The following TMEFF2 variants were observed in gnomAD, a reference collection of about 807,000 sequenced individuals.
TMEFF2 encodes the protein transmembrane protein with EGF like and two follistatin like domains 2, also known as tomoregulin-2.
A neutral mutation model predicts 53.8 loss-of-function variants in TMEFF2; 28 were observed. The ratio of observed to expected loss-of-function variants is 0.52; its 90% confidence interval spans 0.39 to 0.71. The LOEUF is 0.71. TMEFF2 is among the 30% of genes least tolerant of loss of function. The pLI is 0.00. For synonymous variants in TMEFF2, 162 were observed against 166.3 expected (o/e 0.97, Z 0.20); for missense variants, 353 against 455.2 (o/e 0.78, Z 2.04).
chr2:191,974,382 A>T (rs561726672), intron 7 of TMEFF2, among the ~76,000 whole-genome samples: 107 of 152,232 alleles, frequency 7.0e-4, no homozygotes, highest in African/African-American at 2.5e-3. Flanking sequence ...AGGATACTGT[A>T]TATCATTCAA....
At chr2:192,120,888 A>C (rs1689535507) in intron 4 of TMEFF2, among the ~76,000 whole-genome samples, 1 of 152,036 alleles carries the variant, frequency 6.6e-6, no homozygotes, top group African/African-American at 2.4e-5. Context: ...GGTGGGCGTC[A>C]CCATGCCCAG....
chr2:192,075,974 AAAG>A (rs1394367067), intron 4 of TMEFF2, among the ~76,000 whole-genome samples: 1 of 152,014 alleles, frequency 6.6e-6, no homozygotes, highest in Non-Finnish European at 1.5e-5. Flanking sequence ...GCAAAGAAGG[AAAG>A]AAGGAAGCAA....
chr2:192,037,542 C>A (rs1687350080), intron 5 of TMEFF2, among the ~76,000 whole-genome samples: 1 of 151,248 alleles, frequency 6.6e-6, no homozygotes, highest in Non-Finnish European at 1.5e-5. Context: ...CTGATTGGCA[C>A]CATCTTCTCT....
At chr2:191,953,658 C>A (rs1170654833) in intron 9 of TMEFF2, 21 bp downstream of exon 9, 1 of 1,610,062 alleles carries the variant, frequency 6.2e-7, no homozygotes, top group Non-Finnish European at 8.5e-7. Context: ...ATTTGGGTAG[C>A]CACCAAGTGC....
chr2:192,060,511 C>T (rs1020697843), intron 4 of TMEFF2, among the ~76,000 whole-genome samples: 3 of 152,150 alleles, frequency 2.0e-5, no homozygotes, highest in Non-Finnish European at 2.9e-5. Flanking sequence ...CAGACTCCAT[C>T]TTATTTAGCA....
chr2:191,959,039 G>A (rs1692189557), intron 7 of TMEFF2, among the ~76,000 whole-genome samples: 1 of 152,234 alleles, frequency 6.6e-6, no homozygotes, highest in Admixed American at 6.5e-5. Flanking sequence ...TGATCTTAAT[G>A]TTTATGTATA....
intron 7 of TMEFF2, among the ~76,000 whole-genome samples, chr2:191,971,365 A>T (rs950677250): frequency 2.6e-5 from 4 of 152,238 alleles, no homozygotes; most frequent in Admixed American, 1.3e-4. Context: ...TCAAACTTCT[A>T]TCTTGTTCCT....
At chr2:192,157,931 G>A (rs889629158) in intron 4 of TMEFF2, among the ~76,000 whole-genome samples, 6 of 152,062 alleles carry the variant, frequency 3.9e-5, no homozygotes, top group East Asian at 3.9e-4. Flanking sequence ...CTTCATGTGC[G>A]TTTCCTTTAT....
In TMEFF2 at chr2:192,048,395, C is replaced by CAG. The variant is rs1553516720; in HGVS notation, c.536+9282_536+9283dup. 2.6e-5 allele frequency among the ~76,000 whole-genome samples: 4 copies of CAG among 151,208 alleles called. No homozygotes were observed. In the East Asian group the frequency reaches 5.8e-4, roughly 22 times the overall value. On this transcript the variant is annotated intron_variant, in intron 5 of 9. Coordinates refer to ENST00000272771, the MANE Select transcript of TMEFF2 (RefSeq NM_016192.4). ...ACACACACACACACACACACACACACAGAAAATATATCTCCAAATTTCACA... is the reference window on the plus strand; with the variant it reads ...ACACACACACACACACACACACACACAGAGAAAATATATCTCCAAATTTCACA...
At chr2:192,037,114 A>G (rs974884208) in intron 5 of TMEFF2, 2 of 151,772 alleles carry the variant, frequency 1.3e-5, no homozygotes, top group Admixed American at 1.3e-4. Flanking sequence ...ATCTCCTCAT[A>G]CTGTAAAGCT....
intron 4 of TMEFF2, among the ~76,000 whole-genome samples, chr2:192,125,377 T>G (rs1689652554): frequency 6.6e-6 from 1 of 152,130 alleles, no homozygotes; most frequent in Admixed American, 6.5e-5. Context: ...AATATACTAT[T>G]TCATAATTTT....
intron 4 of TMEFF2, among the ~76,000 whole-genome samples, chr2:192,058,483 G>T (rs184921544): frequency 6.1e-4 from 92 of 151,976 alleles, no homozygotes; most frequent in African/African-American, 1.8e-3. Flanking sequence ...ATTGATATTG[G>T]TCCTTTTTTC....
At chr2:192,023,697 CTATCTA>C (rs1242086354) in intron 5 of TMEFF2, among the ~76,000 whole-genome samples, 1 of 152,062 alleles carries the variant, frequency 6.6e-6, no homozygotes, top group Non-Finnish European at 1.5e-5. Flanking sequence ...TGTTTATCTT[CTATCTA>C]TGTTTCTATT....
chr2:191,980,004 G>C (rs1685818233), intron 7 of TMEFF2, among the ~76,000 whole-genome samples: 1 of 152,078 alleles, frequency 6.6e-6, no homozygotes, highest in South Asian at 2.1e-4. Context: ...ATTTTATGTA[G>C]TTTGGTTTCT....
chr2:191,964,222 G>T (rs60700928), intron 7 of TMEFF2, among the ~76,000 whole-genome samples: 9 of 94,392 alleles, frequency 9.5e-5, no homozygotes, highest in African/African-American at 3.6e-4. Flanking sequence ...CTTTCTGTCT[G>T]TCTTTCTTTC....
At chr2:191,989,569 G>A (rs1686055020) in intron 7 of TMEFF2, among the ~76,000 whole-genome samples, 1 of 152,114 alleles carries the variant, frequency 6.6e-6, no homozygotes, top group African/African-American at 2.4e-5. Context: ...AGAAAACACT[G>A]GTCAGAGGAT....
At chr2:192,016,624 G>C (rs1056019143) in intron 5 of TMEFF2, among the ~76,000 whole-genome samples, 1 of 152,168 alleles carries the variant, frequency 6.6e-6, no homozygotes, top group African/African-American at 2.4e-5. Flanking sequence ...TAGAAGTCCA[G>C]TAAAACTGGA....
intron 9 of TMEFF2, among the ~76,000 whole-genome samples, chr2:191,951,048 T>C (rs1444198198): frequency 1.3e-5 from 2 of 151,020 alleles, no homozygotes; most frequent in Non-Finnish European, 1.5e-5. Context: ...ATGAGAATAG[T>C]GGAAAGTTCA....
At chr2:191,970,315 C>T (rs1430794765) in intron 7 of TMEFF2, among the ~76,000 whole-genome samples, 1 of 151,568 alleles carries the variant, frequency 6.6e-6, no homozygotes, top group Non-Finnish European at 1.5e-5. Context: ...CCATGTTTAC[C>T]CCAAATTCAC....
Sources: gnomAD v4.1 joint callset for allele counts (sites outside exome capture counted in the v4.1 genomes callset) on GRCh38, gnomAD v4.1.1 for gene constraint, MANE v1.5 for transcripts, NCBI Gene and HGNC (gene_info 2026-07-23, HGNC 2026-07-21) for gene names.